Variants in LILRB5 observed in about 807,000 individuals in gnomAD.
The protein encoded by LILRB5 is leukocyte immunoglobulin like receptor B5.
In LILRB5, 61 loss-of-function variants were observed where a neutral mutation model predicts 68.4. The observed-to-expected ratio is 0.89, with a 90% CI of 0.73 to 1.10. The LOEUF (loss-of-function observed/expected upper bound fraction) is 1.10, where lower values mean the gene tolerates loss of function less well. Among genes scored for constraint, LILRB5 ranks in the 50% least tolerant of loss-of-function variants. The pLI, the probability that LILRB5 is intolerant of heterozygous loss-of-function variation, is 0.00. For synonymous variants in LILRB5, 356 were observed against 315.8 expected (o/e 1.13, Z -1.35); for missense variants, 771 against 751.6 (o/e 1.03, Z -0.30).
Position 54,253,964 on chromosome 19 carries a change from C to T in LILRB5, c.1357+54G>A, listed in dbSNP as rs1170762123. 5 of 1,558,332 alleles carry T rather than the reference C, an allele frequency of 3.2e-6. No individual in the cohort carries two copies. The South Asian group carries it at 3.5e-5, about 11-fold the overall frequency. On this transcript the variant is annotated intron_variant, in intron 8 of 12. Coordinates refer to ENST00000449561, the MANE Select transcript of LILRB5 (RefSeq NM_001081442.3). ...AGGAGCCTGAACCTACGACAGAACC[C>T]ACCCCTGCCTCCCCTGGTCTCCGCC...
At chr19:54,254,319 G>A (rs774461065) in intron 7 of LILRB5, 46 bp downstream of exon 7, 8 of 1,544,614 alleles carry the variant, frequency 5.2e-6, no homozygotes, top group Non-Finnish European at 7.0e-6. Flanking sequence ...GGGCTGCCTG[G>A]GGGGAGACCA....
At position 54,252,060 on chromosome 19, in the gene LILRB5, A is replaced by C; in HGVS notation, c.1623T>G (p.Asp541Glu). ...DTQPKDGVEM[D>E]APAAASEAPQ... ...GACAGGGGCGGGGCCTCACCGGAGC[A>C]TCCATCTCCACCCCGTCCTTGGGCT... Residue 541 changes from aspartate to glutamate, a missense_variant, in exon 12 of 13, where the codon GAT (aspartate) becomes GAG (glutamate). Coordinates refer to ENST00000449561, the MANE Select transcript of LILRB5 (RefSeq NM_001081442.3). 6.2e-7 allele frequency: 1 copy of C among 1,613,450 alleles called. No individual in the cohort carries two copies. Among genetic ancestry groups the C allele is most frequent in the South Asian group, 1.1e-5 (1 of 91,046 alleles).
intron 12 of LILRB5, 175 bp from the exon 13 acceptor site, chr19:54,251,107 A>G (rs2078937087): frequency 1.3e-6 from 2 of 1,533,294 alleles, no homozygotes; most frequent in South Asian, 1.1e-5. Context: ...TTTCTCTCCT[A>G]GGTCTGGAGT....
chr19:54,256,657 C>G lies in LILRB5; in HGVS notation c.187G>C (p.Glu63Gln), dbSNP rs1271481238. The change falls in exon 3 of 13, where the codon GAG becomes CAG. Residue 63 changes from glutamate to glutamine, a missense_variant. Transcript: ENST00000449561. ...LETEEYRLDK[E>Q]GLPWARKRQN... ...CTCTTCCGGGCCCATGGGAGTCCCT[C>G]CTTATCCAGACGGTACTCCTCAGTC... is the stretch of plus-strand genomic sequence containing the variant. 1 of 1,614,076 alleles carries G rather than the reference C, an allele frequency of 6.2e-7. No homozygotes were observed. Among genetic ancestry groups the G allele is most frequent in the East Asian group, 2.2e-5 (1 of 44,898 alleles).
rs1055040147 is a variant in LILRB5 at position 54,256,343 on chromosome 19, C to T, written c.356-1G>A. On this transcript the variant is annotated splice_acceptor_variant, in intron 3 of 12. Transcript: ENST00000449561. LOFTEE classifies it high-confidence loss of function. Reference sequence around the variant, plus strand: ...AAAAGAGTGGGTTCTGCATAGAATCCTAGCAGAGAAGGAGGCACGTCTTAA... The same window carrying T: ...AAAAGAGTGGGTTCTGCATAGAATCTTAGCAGAGAAGGAGGCACGTCTTAA... 1.4e-5 allele frequency: 22 copies of T among 1,600,608 alleles called. No homozygotes were observed. Among genetic ancestry groups the T allele is most frequent in the Non-Finnish European group, 1.8e-5 (21 of 1,172,698 alleles).
Position 54,255,281 on chromosome 19 carries a change from C to T in LILRB5, c.952+5G>A, listed in dbSNP as rs760081429. 8 of 1,612,644 alleles carry T rather than the reference C, an allele frequency of 5.0e-6. No homozygotes were observed. The South Asian group carries it at 8.8e-5, about 18-fold the overall frequency. On this transcript the variant is annotated splice_donor_5th_base_variant and intron_variant, in intron 5 of 12. Transcript: ENST00000449561. ...GTCCCTGACTGAACCCGCTGGGCTC[C>T]TCACCTGCGATCAGGATGTCCAGGG... is the stretch of plus-strand genomic sequence containing the variant.
At position 54,253,005 on chromosome 19, in the gene LILRB5, T is replaced by TGGGAATGGGGATGACGTC. The variant is rs776638823; in HGVS notation, c.1358-36_1358-19dup. 2.6e-6 allele frequency: 4 copies of TGGGAATGGGGATGACGTC among 1,512,452 alleles called. No homozygotes were observed. 93.7% of individuals were successfully genotyped at this position (1,512,452 alleles called of 1,614,324 possible). ...TCCCAGACCTTGAGCGTGATGACGT[T>TGGGAATGGGGATGACGTC]GGGAATGGGGATGACGTCATTGATG... On this transcript the variant is annotated intron_variant, in intron 8 of 12. Coordinates refer to ENST00000449561, the MANE Select transcript of LILRB5 (RefSeq NM_001081442.3).
chr19:54,251,124 C>CTT (rs2078937781), intron 12 of LILRB5, 192 bp from the exon 13 acceptor site: 1 of 1,557,870 alleles, frequency 6.4e-7, no homozygotes, highest in African/African-American at 1.4e-5. Context: ...GAGTGTTTCA[C>CTT]CGGGGCATAC....
Position 54,256,567 on chromosome 19 carries a change from C to T in LILRB5, c.277G>A (p.Ala93Thr). 1.2e-6 allele frequency: 2 copies of T among 1,614,136 alleles called. No homozygotes were observed. The highest frequency in any genetic ancestry group is 1.7e-6 in the Non-Finnish European group (2 of 1,179,990). ...TCATAGTAGCAGCGGTATCGCCCTG[C>T]ACTGTCATACACCGTGGATGGAATG... ...FHIPSTVYDS[A>T]GRYRCYYETP... Residue 93 changes from alanine to threonine, a missense_variant, in exon 3 of 13, where the codon GCA becomes ACA. Physicochemically the swap from Ala to Thr is moderately conservative, Grantham distance 58 (BLOSUM62 0). Transcript: ENST00000449561.
rs188922653 is a variant in LILRB5, at chr19:54,255,271, C to T, written c.952+15G>A. Reference sequence around the variant, plus strand: ...CAGAGCCTGGGTCCCTGACTGAACCCGCTGGGCTCCTCACCTGCGATCAGG... The same window carrying T: ...CAGAGCCTGGGTCCCTGACTGAACCTGCTGGGCTCCTCACCTGCGATCAGG... On this transcript the variant is annotated intron_variant, in intron 5 of 12. Coordinates refer to ENST00000449561, the MANE Select transcript of LILRB5 (RefSeq NM_001081442.3). The T allele has an allele frequency of 2.9e-4, 464 of 1,611,370 alleles. 1 individual carries two copies. In the African/African-American group the frequency reaches 4.5e-3, roughly 16 times the overall value.
In LILRB5 at chr19:54,257,267, A is replaced by C; in HGVS notation, c.-74T>G. ...TGCCTGGCAGGACACAAAAACACGCAGAGTGTGGACTGGAGGCTGGGTTCT... is the reference window on the plus strand; with the variant it reads ...TGCCTGGCAGGACACAAAAACACGCCGAGTGTGGACTGGAGGCTGGGTTCT... On this transcript the variant is annotated 5_prime_UTR_variant, in exon 1 of 13. Coordinates refer to ENST00000449561, the MANE Select transcript of LILRB5 (RefSeq NM_001081442.3). 7 of 1,593,780 alleles carry C rather than the reference A, an allele frequency of 4.4e-6. No individual in the cohort carries two copies. Among genetic ancestry groups the C allele is most frequent in the Non-Finnish European group, 6.0e-6 (7 of 1,162,104 alleles).
chr19:54,253,771 C>T (rs1482537733), intron 8 of LILRB5: 34 of 1,371,732 alleles, frequency 2.5e-5, no homozygotes, highest in Middle Eastern at 5.0e-4. Context: ...AGCCTGAATG[C>T]CCCAAACCAC....
In LILRB5 at chr19:54,255,531, C is replaced by A. The variant is rs574366743; in HGVS notation, c.707G>T (p.Arg236Leu). 1.2e-5 allele frequency: 20 copies of A among 1,613,792 alleles called. No individual in the cohort carries two copies. In the South Asian group the frequency reaches 1.3e-4, roughly 11 times the overall value. Reference protein sequence around the residue: ...LLIPQGSVVARGGSLTLQCRS... With the variant: ...LLIPQGSVVALGGSLTLQCRS... ...ACACTGCAGGGTCAGGCTGCCTCCG[C>A]GGGCCACGACAGAGCCCTGCGGGAT... Residue 236 changes from arginine (R) to leucine (L), a missense_variant, in exon 5 of 13, where the codon CGC becomes CTC. Physicochemically the swap from Arg to Leu is moderately radical, Grantham distance 102. Transcript: ENST00000449561.
chr19:54,252,457 G>A (rs1316701893), intron 10 of LILRB5, 29 bp downstream of exon 10: 4 of 1,613,958 alleles, frequency 2.5e-6, no homozygotes, highest in Admixed American at 1.7e-5. Context: ...GCGGGTGGAT[G>A]GGAGTCTTGG....
chr19:54,256,504 C>T lies in LILRB5; in HGVS notation c.340G>A (p.Glu114Lys). The T allele has an allele frequency of 6.2e-7, 1 of 1,614,044 alleles. No homozygotes were observed. The highest frequency in any genetic ancestry group is 2.2e-5 in the East Asian group (1 of 44,882). The part of the protein sequence containing the change: ...AGWSEPSDPL[E>K]LVATGFYAEP... ...GTCCTCTCACCTGTCGCCACCAGCT[C>T]CAGGGGGTCACTGGGCTCTGACCAG... Residue 114 changes from glutamate (E) to lysine (K), a missense_variant, in exon 3 of 13, where the codon GAG (glutamate) becomes AAG (lysine). Transcript: ENST00000449561.
At chr19:54,255,625 C>T (rs1384601586) in intron 4 of LILRB5, 43 bp from the exon 5 acceptor site, 3 of 1,577,260 alleles carry the variant, frequency 1.9e-6, no homozygotes, top group Non-Finnish European at 2.6e-6. Context: ...CTGGTTCCTC[C>T]CCCGCCCCTT....
intron 8 of LILRB5, 181 bp downstream of exon 8, chr19:54,253,837 A>T: frequency 6.7e-7 from 1 of 1,490,626 alleles, no homozygotes; most frequent in South Asian, 1.3e-5. Flanking sequence ...GTGGGACAGG[A>T]CAGTCCCCTG....
At position 54,257,197 on chromosome 19, in the gene LILRB5, G is replaced by T. The variant is rs375650048; in HGVS notation, c.-4C>A. ...GGACTGAGAGGGTGAGGGTCATGGC[G>T]TCAGCTCCCACTGGACTCAGCTGTG... On this transcript the variant is annotated 5_prime_UTR_variant, in exon 1 of 13. Coordinates refer to ENST00000449561, the MANE Select transcript of LILRB5 (RefSeq NM_001081442.3). 3 of 1,614,206 alleles carry T rather than the reference G, an allele frequency of 1.9e-6. No individual in the cohort carries two copies. The highest frequency in any genetic ancestry group is 2.5e-6 in the Non-Finnish European group (3 of 1,180,038).
At chr19:54,253,706 G>C (rs1301819462) in intron 8 of LILRB5, 1 of 961,968 alleles carries the variant, frequency 1.0e-6, no homozygotes. Flanking sequence ...CCAGGAGTCT[G>C]ACCCGCAGCC....
Sources: allele counts gnomAD v4.1 joint callset, GRCh38; gene constraint gnomAD v4.1.1; transcripts MANE v1.5; gene names NCBI Gene and HGNC (gene_info 2026-07-23, HGNC 2026-07-21).